WHRN: variants seen among roughly 807,000 people sequenced by gnomAD.
WHRN encodes whirlin.
A neutral mutation model predicts 68.3 loss-of-function variants in WHRN; 41 were observed. That is an observed-to-expected ratio of 0.60 (90% CI 0.47 to 0.78). The LOEUF (loss-of-function observed/expected upper bound fraction) is 0.78, where lower values mean the gene tolerates loss of function less well. Among genes scored for constraint, WHRN ranks in the 30% least tolerant of loss-of-function variants. The probability of loss-of-function intolerance (pLI) is 0.00; values close to 1 mark genes in which losing one functional copy is unlikely to be tolerated. For missense variants in WHRN, 1,243 were observed against 1,244.7 expected (o/e 1.00, Z 0.02); for synonymous variants, 560 against 561.3 (o/e 1.00, Z 0.03).
intron 3 of WHRN, among the ~76,000 whole-genome samples, chr9:114,446,427 A>G (rs1036683032): frequency 1.4e-4 from 22 of 152,170 alleles, no homozygotes; most frequent in African/African-American, 5.3e-4. Flanking sequence ...TATAGCAGTG[A>G]TAGTTGCACA....
chr9:114,478,150 T>C (rs1841803752), intron 2 of WHRN, among the ~76,000 whole-genome samples: 1 of 151,896 alleles, frequency 6.6e-6, no homozygotes, highest in Non-Finnish European at 1.5e-5. Context: ...CAGCCAGGCA[T>C]GGTGGTGCAC....
chr9:114,424,611 C>T (rs1836644420), intron 5 of WHRN, 65 bp from the exon 6 acceptor site: 1 of 1,509,848 alleles, frequency 6.6e-7, no homozygotes, highest in Non-Finnish European at 9.0e-7. Flanking sequence ...GGCCATGCCA[C>T]TCCCCCTCTG....
At chr9:114,428,737 C>T (rs1163364799) in intron 3 of WHRN, among the ~76,000 whole-genome samples, 1 of 152,246 alleles carries the variant, frequency 6.6e-6, no homozygotes, top group South Asian at 2.1e-4. Context: ...CTGCAGCAGC[C>T]AGATCTGAAA....
At position 114,504,411 on chromosome 9, in the gene WHRN, CG is replaced by C; in HGVS notation, c.390del (p.Asp131ThrfsTer11). 1 of 1,605,130 alleles carries C rather than the reference CG, an allele frequency of 6.2e-7. No individual in the cohort carries two copies. On this transcript the variant is annotated frameshift_variant, in exon 1 of 12. Transcript: ENST00000362057. LOFTEE classifies it high-confidence loss of function. ...TPYRQPAWGG[P>X]DSAGPGEVRL... ...CGCACCTCCCCTGGCCCCGCGCTGT[CG>C]GGGCCGCCCCAGGCGGGCTGCCTGT...
At chr9:114,455,598 C>T (rs570183902) in intron 3 of WHRN, among the ~76,000 whole-genome samples, 5 of 151,672 alleles carry the variant, frequency 3.3e-5, no homozygotes, top group East Asian at 3.9e-4. Context: ...CCTGTAGTCC[C>T]GGCTACTAGG....
chr9:114,481,097 TAC>T (rs1201722842), intron 1 of WHRN, among the ~76,000 whole-genome samples: 3 of 152,100 alleles, frequency 2.0e-5, no homozygotes, highest in African/African-American at 4.8e-5. Flanking sequence ...AATTTGCACA[TAC>T]AGCTCTACCA....
chr9:114,497,012 A>G (rs1365318620), intron 1 of WHRN, among the ~76,000 whole-genome samples: 1 of 152,256 alleles, frequency 6.6e-6, no homozygotes, highest in Non-Finnish European at 1.5e-5. Flanking sequence ...CCCAAACTTT[A>G]GCATGGTTAA....
At chr9:114,415,175 C>A (rs1835723601) in intron 7 of WHRN, among the ~76,000 whole-genome samples, 1 of 152,030 alleles carries the variant, frequency 6.6e-6, no homozygotes, top group South Asian at 2.1e-4. Flanking sequence ...AGCATGTGCG[C>A]CTGTGGCCCC....
intron 2 of WHRN, among the ~76,000 whole-genome samples, chr9:114,467,743 A>G (rs1840849097): frequency 6.6e-6 from 1 of 152,146 alleles, no homozygotes; most frequent in Non-Finnish European, 1.5e-5. Context: ...TGTCTCCGGT[A>G]TGAAAGAGGG....
chr9:114,443,363 T>C (rs1838545861), intron 3 of WHRN, among the ~76,000 whole-genome samples: 1 of 152,214 alleles, frequency 6.6e-6, no homozygotes, highest in Admixed American at 6.5e-5. Context: ...AGAGTTCCTT[T>C]CTGGAGAGTC....
At chr9:114,496,383 T>C (rs918626386) in intron 1 of WHRN, among the ~76,000 whole-genome samples, 6 of 152,190 alleles carry the variant, frequency 3.9e-5, no homozygotes, top group Admixed American at 1.3e-4. Flanking sequence ...AAAAGCCAGA[T>C]AGGAGCAATT....
chr9:114,479,866 C>G (rs925092540), intron 1 of WHRN, among the ~76,000 whole-genome samples: 18 of 152,050 alleles, frequency 1.2e-4, no homozygotes, highest in Admixed American at 9.8e-4. Flanking sequence ...AGTTCAAAAC[C>G]ACCCTGGCCA....
intron 1 of WHRN, chr9:114,491,456 T>G (rs1363070222): frequency 7.4e-6 from 1 of 135,106 alleles, no homozygotes; most frequent in African/African-American, 2.6e-5. Flanking sequence ...TGTAAATACA[T>G]GAACACACAC....
rs1325964850 is a variant in WHRN at position 114,423,335 on chromosome 9, G to A, written c.1605C>T (p.Ser535=). 1 of 1,613,968 alleles carries A rather than the reference G, an allele frequency of 6.2e-7. No homozygotes were observed. The highest frequency in any genetic ancestry group is 8.5e-7 in the Non-Finnish European group (1 of 1,179,916). The change falls in exon 7 of 12, where the codon TCC becomes TCT. Residue 535 remains serine (S), a synonymous_variant. Transcript: ENST00000362057. ...TCACCCTGGCCGAGCTGACGGTGGTGGAGGTGCCGTGGCTGCCTGTGGATG... is the reference window on the plus strand; with the variant it reads ...TCACCCTGGCCGAGCTGACGGTGGTAGAGGTGCCGTGGCTGCCTGTGGATG... ...TGSSTGSHGT[S]TTVSSARNTL...
chr9:114,457,853 T>C (rs903295513), intron 3 of WHRN, among the ~76,000 whole-genome samples: 2 of 150,438 alleles, frequency 1.3e-5, no homozygotes, highest in Non-Finnish European at 3.0e-5. Flanking sequence ...GAGGCAGAGG[T>C]TGCAGTGAGC....
intron 1 of WHRN, among the ~76,000 whole-genome samples, chr9:114,481,968 A>G (rs923340224): frequency 6.6e-6 from 1 of 152,076 alleles, no homozygotes; most frequent in African/African-American, 2.4e-5. Flanking sequence ...TTCATGACAC[A>G]CGCCTGGTGA....
chr9:114,474,167 A>G (rs1841465187), intron 2 of WHRN, among the ~76,000 whole-genome samples: 1 of 152,154 alleles, frequency 6.6e-6, no homozygotes, highest in East Asian at 1.9e-4. Context: ...CACAGGAGGG[A>G]GTACTGGAAC....
chr9:114,406,212 G>C (rs1380706185), intron 9 of WHRN, 143 bp downstream of exon 9: 1 of 1,097,490 alleles, frequency 9.1e-7, no homozygotes, highest in African/African-American at 1.6e-5. Flanking sequence ...ATTCAAACTG[G>C]GGTCTCCAAC....
rs1260136912 is a variant in WHRN at position 114,424,489 on chromosome 9, G to T, written c.1261C>A (p.Gln421Lys). 25 of 1,614,026 alleles carry T rather than the reference G, an allele frequency of 1.5e-5. 1 individual carries two copies. The highest frequency in any genetic ancestry group is 2.1e-5 in the Non-Finnish European group (25 of 1,179,950). ...TGCTCCTCCAGCAGCACTCGTGTCT[G>T]GTTCCCCAGGCTGCTCAGGGTCACC... ...SQVTLSSLGN[Q>K]TRVLLEEQAR... Residue 421 changes from glutamine (Q) to lysine (K), a missense_variant, in exon 6 of 12, where the codon CAG becomes AAG. Transcript: ENST00000362057.
Sources: gnomAD v4.1 joint callset for allele counts (sites outside exome capture counted in the v4.1 genomes callset) on GRCh38, gnomAD v4.1.1 for gene constraint, MANE v1.5 for transcripts, NCBI Gene and HGNC (gene_info 2026-07-23, HGNC 2026-07-21) for gene names.